Variants in TSC1 observed in about 807,000 individuals in gnomAD.
The protein encoded by TSC1 is hamartin.
A neutral mutation model predicts 124.3 loss-of-function variants in TSC1; 20 were observed. The observed-to-expected ratio is 0.16, with a 90% confidence interval of 0.11 to 0.23. The LOEUF is 0.23. Ranked by LOEUF, TSC1 falls within the 10% of genes least tolerant of loss-of-function variation. The pLI is 1.00. For synonymous variants in TSC1, 493 were observed against 539.1 expected (o/e 0.91, Z 1.19); for missense variants, 1,124 against 1,448.5 (o/e 0.78, Z 3.64).
At position 132,894,551 on chromosome 9, in the gene TSC1, ACCACGC is replaced by A. The variant is rs1214271283; in HGVS notation, c.*1678_*1683del. 8.7e-6 allele frequency: 2 copies of A among 228,756 alleles called. No homozygotes were observed. Among genetic ancestry groups the A allele is most frequent in the Non-Finnish European group, 1.7e-5 (2 of 115,054 alleles). 14.2% of individuals were successfully genotyped at this position (228,756 alleles called of 1,614,324 possible). Reference sequence around the variant, plus strand: ...GCCTGTGCTAGGCTGAGTAGTTGGGACCACGCCCTGCCACAGGCTGGGAATCAGTCA... The same window carrying A: ...GCCTGTGCTAGGCTGAGTAGTTGGGACCTGCCACAGGCTGGGAATCAGTCA... On this transcript the variant is annotated 3_prime_UTR_variant, in exon 23 of 23. Coordinates refer to ENST00000298552, the MANE Select transcript of TSC1 (RefSeq NM_000368.5).
In TSC1 at chr9:132,921,964, G is replaced by A. The variant is rs777484049; in HGVS notation, c.518C>T (p.Ala173Val). ...SWCLKKPGHV[A>V]EVYLVHLHAS... is the part of the protein sequence containing the mutation. ...ATGGAGATGGACGAGATAGACTTCC[G>A]CCACGTGGCCTAGAAAAGGAACCCG... Residue 173 changes from alanine (A) to valine (V), a missense_variant, in exon 7 of 23, where the codon GCG becomes GTG. Ala to Val is a moderately conservative substitution (Grantham distance 64, BLOSUM62 0). Coordinates refer to ENST00000298552, the MANE Select transcript of TSC1 (RefSeq NM_000368.5). This position sits in a 1 kb window ranked among gnomAD's most constrained non-coding sequence, Gnocchi z 4.3. 1.9e-5 allele frequency: 30 copies of A among 1,613,954 alleles called. No homozygotes were observed. Among genetic ancestry groups the A allele is most frequent in the East Asian group, 4.5e-5 (2 of 44,890 alleles).
intron 11 of TSC1, 56 bp downstream of exon 11, chr9:132,910,946 T>C: frequency 6.6e-7 from 1 of 1,512,522 alleles, no homozygotes; most frequent in Non-Finnish European, 9.2e-7. Context: ...GAGCTCCTCC[T>C]GCCATTAAAG....
chr9:132,910,994 A>G lies in TSC1; in HGVS notation c.1141+8T>C. The G allele has an allele frequency of 1.2e-6, 2 of 1,612,098 alleles. No individual in the cohort carries two copies. The highest frequency in any genetic ancestry group is 1.7e-6 in the Non-Finnish European group (2 of 1,178,134). Reference sequence around the variant, plus strand: ...CAACTAATCAAATCCAACCTAAGACATACATACCAGTTGTACCAAAGACTT... The same window carrying G: ...CAACTAATCAAATCCAACCTAAGACGTACATACCAGTTGTACCAAAGACTT... On this transcript the variant is annotated splice_region_variant and intron_variant, in intron 11 of 22. Coordinates refer to ENST00000298552, the MANE Select transcript of TSC1 (RefSeq NM_000368.5).
intron 20 of TSC1, 26 bp downstream of exon 20, chr9:132,900,689 G>A (rs368318574): frequency 7.6e-5 from 122 of 1,613,502 alleles, no homozygotes; most frequent in Non-Finnish European, 9.7e-5. Context: ...TCCCCACTAA[G>A]GTCTGGCTCC....
At chr9:132,917,411 A>G (rs1846320120) in intron 8 of TSC1, among the ~76,000 whole-genome samples, 1 of 152,026 alleles carries the variant, frequency 6.6e-6, no homozygotes, top group Non-Finnish European at 1.5e-5. Context: ...GCTCACTGCA[A>G]CCTCTGCCTC....
At chr9:132,904,355 C>G in intron 16 of TSC1, 56 bp downstream of exon 16, 3 of 1,598,970 alleles carry the variant, frequency 1.9e-6, no homozygotes, top group Non-Finnish European at 2.6e-6. Flanking sequence ...ACAGAAAGGG[C>G]AACAAGCAAG....
chr9:132,924,204 C>G (rs767109189), intron 5 of TSC1, among the ~76,000 whole-genome samples: 1 of 152,110 alleles, frequency 6.6e-6, no homozygotes, highest in Non-Finnish European at 1.5e-5. Flanking sequence ...TCACCTGACC[C>G]ATAATTAAAT....
intron 10 of TSC1, 76 bp from the exon 11 acceptor site, chr9:132,911,189 T>G: frequency 1.6e-6 from 2 of 1,219,972 alleles, no homozygotes; most frequent in Non-Finnish European, 2.4e-6. Context: ...CCATGGCCAG[T>G]GTTCAGCTTA....
chr9:132,903,885 C>A lies in TSC1; in HGVS notation c.2042-68G>T. ...AGATGGTTCAATCAAGCCCCCTTCCCATGTGTTGTTAGCTTAACAAACACA... is the reference window on the plus strand; with the variant it reads ...AGATGGTTCAATCAAGCCCCCTTCCAATGTGTTGTTAGCTTAACAAACACA... On this transcript the variant is annotated intron_variant, in intron 16 of 22. Coordinates refer to ENST00000298552, the MANE Select transcript of TSC1 (RefSeq NM_000368.5). The surrounding 1 kb of genome is among the most constrained non-coding windows in gnomAD (Gnocchi z 5.9). 6.3e-7 allele frequency: 1 copy of A among 1,579,042 alleles called. No individual in the cohort carries two copies. Among genetic ancestry groups the A allele is most frequent in the South Asian group, 1.1e-5 (1 of 89,810 alleles).
In TSC1 at chr9:132,903,961, C is replaced by CTGCTGTTGCTGGG; in HGVS notation, c.2042-145_2042-144insCCCAGCAACAGCA. 1.1e-6 allele frequency: 1 copy of CTGCTGTTGCTGGG among 929,140 alleles called. No homozygotes were observed. Among genetic ancestry groups the CTGCTGTTGCTGGG allele is most frequent in the Non-Finnish European group, 1.7e-6 (1 of 597,820 alleles). The allele number at this position is 929,140 out of a possible 1,614,324, so 57.6% of individuals were successfully genotyped here. A position where few individuals can be genotyped will look rare whatever the true frequency, so the allele number is the denominator to read the frequency against. ...TCTTTGCAAATGACCACTTGACTCCCAGCAACAGCAGGGGGGAAAGTATGG... is the reference window on the plus strand; with the variant it reads ...TCTTTGCAAATGACCACTTGACTCCCTGCTGTTGCTGGGAGCAACAGCAGGGGGGAAAGTATGG... On this transcript the variant is annotated intron_variant, in intron 16 of 22. Coordinates refer to ENST00000298552, the MANE Select transcript of TSC1 (RefSeq NM_000368.5). This position sits in a 1 kb window ranked among gnomAD's most constrained non-coding sequence, Gnocchi z 5.9.
chr9:132,918,437 C>G (rs111914376), intron 8 of TSC1, among the ~76,000 whole-genome samples: 2,477 of 152,248 alleles, frequency 0.016, 75 homozygotes, highest in African/African-American at 0.056. Context: ...GGAGCAGTCA[C>G]AACCCCTGGG....
chr9:132,908,401 T>C (rs1350873431), intron 12 of TSC1, among the ~76,000 whole-genome samples: 1 of 152,192 alleles, frequency 6.6e-6, no homozygotes, highest in African/African-American at 2.4e-5. Context: ...CTGAAGTGTA[T>C]AAAGAAAATC....
chr9:132,902,704 G>C lies in TSC1; in HGVS notation c.2292C>G (p.Leu764=), dbSNP rs2131735763. ...TTACCATAGTGTCACGCTGCTCCTGGAGCTGATTGTATCTAGCTTGTTCTT... is the reference window on the plus strand; with the variant it reads ...TTACCATAGTGTCACGCTGCTCCTGCAGCTGATTGTATCTAGCTTGTTCTT... ...LQKEQARYNQ[L]QEQRDTMVTK... The change falls in exon 18 of 23, where the codon CTC becomes CTG. Residue 764 remains leucine, a synonymous_variant. Coordinates refer to ENST00000298552, the MANE Select transcript of TSC1 (RefSeq NM_000368.5). The surrounding 1 kb of genome is among the most constrained non-coding windows in gnomAD (Gnocchi z 5.2). The C allele has an allele frequency of 6.2e-7, 1 of 1,614,172 alleles. No individual in the cohort carries two copies. Among genetic ancestry groups the C allele is most frequent in the Non-Finnish European group, 8.5e-7 (1 of 1,180,040 alleles).
At chr9:132,928,154 C>A (rs77007699) in intron 3 of TSC1, among the ~76,000 whole-genome samples, 1 of 152,206 alleles carries the variant, frequency 6.6e-6, no homozygotes, top group African/African-American at 2.4e-5. Context: ...TGTTCCACTG[C>A]ATGGCTCTAC....
intron 1 of TSC1, chr9:132,940,907 A>G (rs140009887): frequency 2.0e-4 from 30 of 152,314 alleles, no homozygotes; most frequent in African/African-American, 7.2e-4. Context: ...TGCTCTGTGA[A>G]CTACTCAAAG....
intron 10 of TSC1, 140 bp from the exon 11 acceptor site, chr9:132,911,253 C>A (rs1466729558): frequency 2.4e-6 from 2 of 841,014 alleles, no homozygotes; most frequent in African/African-American, 3.4e-5. Context: ...TATCAAGAAA[C>A]AAGTTGCATT....
In TSC1 at chr9:132,902,139, G is replaced by A. The variant is rs148244707; in HGVS notation, c.2392-440C>T. ...ACAAAGCACCACAAGGAAAACCAGT[G>A]TGGAACAGGAAATGAGGGTGTCACT... is the stretch of plus-strand genomic sequence containing the variant. On this transcript the variant is annotated intron_variant, in intron 18 of 22. Transcript: ENST00000298552. The surrounding 1 kb of genome is among the most constrained non-coding windows in gnomAD (Gnocchi z 5.2). 1.5e-4 allele frequency among the ~76,000 whole-genome samples: 23 copies of A among 152,312 alleles called. No homozygotes were observed. The highest frequency in any genetic ancestry group is 4.8e-4 in the African/African-American group (20 of 41,572).
In TSC1 at chr9:132,923,657, A is replaced by G. The variant is rs1380007499; in HGVS notation, c.364-165T>C. 3 of 941,202 alleles carry G rather than the reference A, an allele frequency of 3.2e-6. No individual in the cohort carries two copies. Among genetic ancestry groups the G allele is most frequent in the Admixed American group, 4.1e-5 (2 of 48,682 alleles). The allele number at this position is 941,202 out of a possible 1,614,324, so 58.3% of individuals were successfully genotyped here. On this transcript the variant is annotated intron_variant, in intron 5 of 22. Coordinates refer to ENST00000298552, the MANE Select transcript of TSC1 (RefSeq NM_000368.5). This position sits in a 1 kb window ranked among gnomAD's most constrained non-coding sequence, Gnocchi z 4.2. ...AAGGATTACTGAAGGGATAACATTC[A>G]AACAGACTCAACAGAACACTGAGCC... is the stretch of plus-strand genomic sequence containing the variant.
At chr9:132,897,656 A>AGG in intron 20 of TSC1, 46 bp from the exon 21 acceptor site, 1 of 1,567,394 alleles carries the variant, frequency 6.4e-7, no homozygotes. Flanking sequence ...CTTATAAAAA[A>AGG]TAAACATGCT....
Sources: gnomAD v4.1 joint callset for allele counts (sites outside exome capture counted in the v4.1 genomes callset) on GRCh38, gnomAD v4.1.1 for gene constraint, Gnocchi (gnomAD v3.1) non-coding constraint, MANE v1.5 for transcripts, NCBI Gene and HGNC (gene_info 2026-07-23, HGNC 2026-07-21) for gene names.